Variants in UVRAG observed in about 807,000 individuals in gnomAD.
UVRAG encodes the protein UV radiation resistance associated.
In UVRAG, 19 loss-of-function variants were observed where a neutral mutation model predicts 78.0. The ratio of observed to expected loss-of-function variants is 0.24; its 90% CI spans 0.17 to 0.36. UVRAG has a LOEUF of 0.36. Among genes scored for constraint, UVRAG ranks in the 10% least tolerant of loss-of-function variants. The pLI is 1.00. For missense variants in UVRAG, 740 were observed against 853.8 expected, an observed-to-expected ratio of 0.87 and a Z score of 1.66; for synonymous variants, 323 against 324.6, an observed-to-expected ratio of 1.00 and a Z score of 0.05.
At chr11:75,982,299 C>T (rs1044843450) in intron 7 of UVRAG, among the ~76,000 whole-genome samples, 1 of 152,194 alleles carries the variant, frequency 6.6e-6, no homozygotes, top group Non-Finnish European at 1.5e-5. Context: ...GGAGAAAGCT[C>T]CCCTTGCCTT....
chr11:75,878,204 G>A (rs890967858), intron 3 of UVRAG, among the ~76,000 whole-genome samples: 4 of 147,000 alleles, frequency 2.7e-5, no homozygotes, highest in African/African-American at 5.1e-5. Flanking sequence ...GGGCAGAGGC[G>A]CTCCTTACAT....
intron 13 of UVRAG, among the ~76,000 whole-genome samples, chr11:76,090,858 T>C (rs570602771): frequency 6.6e-6 from 1 of 152,318 alleles, no homozygotes; most frequent in African/African-American, 2.4e-5. Flanking sequence ...TTGGGAGAAA[T>C]CTCTCCTAGA....
At chr11:75,821,527 C>T (rs11236539) in intron 1 of UVRAG, among the ~76,000 whole-genome samples, 25,787 of 151,998 alleles carry the variant, frequency 0.17, 3,139 homozygotes, top group African/African-American at 0.34. Flanking sequence ...GAAAATTTTT[C>T]GTAGAAATGA....
intron 7 of UVRAG, among the ~76,000 whole-genome samples, chr11:75,969,158 G>A (rs369092672): frequency 2.2e-4 from 34 of 152,168 alleles, no homozygotes; most frequent in African/African-American, 7.7e-4. Flanking sequence ...TCTACTCCCA[G>A]CCCCTGGCAA....
Position 76,007,673 on chromosome 11 carries a change from G to A in UVRAG, c.999+52G>A, listed in dbSNP as rs368301303. 126 of 1,398,464 alleles carry A rather than the reference G, an allele frequency of 9.0e-5. No homozygotes were observed. In the African/African-American group the frequency reaches 1.5e-3, roughly 16 times the overall value. The allele number at this position is 1,398,464 out of a possible 1,614,324, so 86.6% of individuals were successfully genotyped here. On this transcript the variant is annotated intron_variant, in intron 10 of 14. Transcript: ENST00000356136. ...TTTTCGTTTTGAAAAGATGATTTCT[G>A]TATGACATTTCCTCTCAATGAAAAA...
At chr11:75,949,712 TATACAC>T (rs904862718) in intron 6 of UVRAG, among the ~76,000 whole-genome samples, 18 of 145,232 alleles carry the variant, frequency 1.2e-4, no homozygotes, top group African/African-American at 4.5e-4. Flanking sequence ...TATATATATA[TATACAC>T]ACACACACAC....
At chr11:76,005,271 C>T (rs985779381) in intron 9 of UVRAG, among the ~76,000 whole-genome samples, 2 of 151,740 alleles carry the variant, frequency 1.3e-5, no homozygotes, top group African/African-American at 2.4e-5. Flanking sequence ...TGAGCCCGGG[C>T]GGTGGAGCTT....
intron 12 of UVRAG, among the ~76,000 whole-genome samples, chr11:76,039,417 G>A (rs1286976313): frequency 1.3e-5 from 2 of 152,130 alleles, no homozygotes; most frequent in Non-Finnish European, 2.9e-5. Flanking sequence ...AAATCAGAAG[G>A]CACATAAGGA....
At chr11:76,098,802 T>C (rs1951830000) in intron 13 of UVRAG, among the ~76,000 whole-genome samples, 1 of 152,176 alleles carries the variant, frequency 6.6e-6, no homozygotes, top group South Asian at 2.1e-4. Context: ...AACACAGTTG[T>C]CCAAAATTGT....
At chr11:76,003,551 G>A (rs983357083) in intron 8 of UVRAG, among the ~76,000 whole-genome samples, 3 of 151,618 alleles carry the variant, frequency 2.0e-5, no homozygotes, top group African/African-American at 7.3e-5. Context: ...GGAAGATGAC[G>A]GTTCATAAAA....
intron 1 of UVRAG, among the ~76,000 whole-genome samples, chr11:75,832,063 G>C (rs2135823632): frequency 6.6e-6 from 1 of 152,292 alleles, no homozygotes; most frequent in East Asian, 1.9e-4. Context: ...CCATCATAAA[G>C]TAAAAACATC....
intron 12 of UVRAG, among the ~76,000 whole-genome samples, chr11:76,062,922 T>C (rs1023488683): frequency 2.6e-5 from 4 of 152,204 alleles, no homozygotes; most frequent in African/African-American, 9.7e-5. Flanking sequence ...CATAGGTCTC[T>C]CGGTACAGTC....
chr11:76,058,269 G>T (rs919356697), intron 12 of UVRAG, among the ~76,000 whole-genome samples: 1 of 152,124 alleles, frequency 6.6e-6, no homozygotes, highest in Admixed American at 6.5e-5. Flanking sequence ...GGTCACTCAT[G>T]CCTGTAATCT....
At chr11:75,951,309 C>G (rs1016126012) in intron 6 of UVRAG, among the ~76,000 whole-genome samples, 2 of 149,646 alleles carry the variant, frequency 1.3e-5, no homozygotes, top group East Asian at 4.0e-4. Context: ...ATGAATGATT[C>G]TTTCTATAAT....
At chr11:75,919,748 T>C (rs1356891494) in intron 6 of UVRAG, among the ~76,000 whole-genome samples, 1 of 152,182 alleles carries the variant, frequency 6.6e-6, no homozygotes, top group Admixed American at 6.5e-5. Context: ...TTTTTAATAA[T>C]GCTGTCTCCA....
intron 3 of UVRAG, among the ~76,000 whole-genome samples, chr11:75,874,830 A>G (rs889195181): frequency 2.0e-5 from 3 of 152,336 alleles, no homozygotes; most frequent in African/African-American, 7.2e-5. Context: ...CAGTTCAACA[A>G]CGTGGCTTCA....
At chr11:75,895,256 T>C (rs1947315617) in intron 5 of UVRAG, among the ~76,000 whole-genome samples, 1 of 152,228 alleles carries the variant, frequency 6.6e-6, no homozygotes. Context: ...ATGATTTTGT[T>C]GATGTTAATA....
At chr11:76,044,731 G>A (rs1417510219) in intron 12 of UVRAG, among the ~76,000 whole-genome samples, 2 of 152,100 alleles carry the variant, frequency 1.3e-5, no homozygotes, top group Non-Finnish European at 2.9e-5. Context: ...CCGAGATTGT[G>A]CTACTGCACT....
At chr11:75,828,724 T>TGA (rs1945577568) in intron 1 of UVRAG, among the ~76,000 whole-genome samples, 1 of 126,216 alleles carries the variant, frequency 7.9e-6, no homozygotes, top group African/African-American at 3.6e-5. Flanking sequence ...TATATATATG[T>TGA]GTGTGTGTAT....
Sources: allele counts gnomAD v4.1 joint callset (sites outside exome capture counted in the v4.1 genomes callset), GRCh38; gene constraint gnomAD v4.1.1; transcripts MANE v1.5; gene names NCBI Gene and HGNC (gene_info 2026-07-23, HGNC 2026-07-21).